The following CPNE3 variants were observed in gnomAD, a reference collection of about 807,000 sequenced individuals.
CPNE3 encodes the protein copine-3.
CPNE3 carries 68 observed loss-of-function variants against 63.9 expected under a neutral mutation model. The ratio of observed to expected loss-of-function variants is 1.06; its 90% CI spans 0.87 to 1.30. The LOEUF is 1.30. CPNE3 is among the 50% of genes most tolerant of loss of function. CPNE3 has a pLI of 0.00. For synonymous variants in CPNE3, 219 were observed against 197.5 expected (o/e 1.11, Z -0.91); for missense variants, 665 against 578.1 (o/e 1.15, Z -1.54).
At chr8:86,531,070 C>G (rs1433953915) in intron 4 of CPNE3, 85 bp from the exon 5 acceptor site, 1 of 745,196 alleles carries the variant, frequency 1.3e-6, no homozygotes, top group Non-Finnish European at 2.4e-6. Flanking sequence ...GAACCTTATA[C>G]TCAGTCTTTT....
intron 2 of CPNE3, among the ~76,000 whole-genome samples, chr8:86,519,691 G>C (rs547551953): frequency 7.9e-5 from 12 of 152,256 alleles, no homozygotes; most frequent in African/African-American, 2.9e-4. Flanking sequence ...GAAGTTTCTA[G>C]ATACATTTTT....
Position 86,537,590 on chromosome 8 carries a change from C to G in CPNE3, c.487C>G (p.Leu163Val), listed in dbSNP as rs765673343. 6.2e-7 allele frequency: 1 copy of G among 1,609,260 alleles called. No homozygotes were observed. Among genetic ancestry groups the G allele is most frequent in the Admixed American group, 1.7e-5 (1 of 59,978 alleles). The change falls in exon 7 of 17, where the codon CTG becomes GTG. Residue 163 changes from leucine (L) to valine (V), a missense_variant. Physicochemically the swap from Leu to Val is conservative, Grantham distance 32. Coordinates refer to ENST00000517490, the MANE Select transcript of CPNE3 (RefSeq NM_003909.5). ...KDLFGKSDPY[L>V]EFHKQTSDGN... ...TCTATTTGGAAAGTCAGACCCATACCTGGAATTCCACAAGCAGACATCTGA... is the reference window on the plus strand; with the variant it reads ...TCTATTTGGAAAGTCAGACCCATACGTGGAATTCCACAAGCAGACATCTGA...
chr8:86,517,815 A>G (rs1485914789), intron 2 of CPNE3, among the ~76,000 whole-genome samples: 3 of 152,206 alleles, frequency 2.0e-5, no homozygotes, highest in African/African-American at 4.8e-5. Flanking sequence ...TTGGCTCTCC[A>G]GCACCTTAGA....
At chr8:86,552,972 C>CCCCCCCCCCCCCCCA (rs1554602826) in intron 14 of CPNE3, among the ~76,000 whole-genome samples, 1 of 18,938 alleles carries the variant, frequency 5.3e-5, no homozygotes, top group African/African-American at 1.3e-4. Context: ...GCCCCCCCCC[C>CCCCCCCCCCCCCCCA]CCCCCCGCCC....
intron 10 of CPNE3, chr8:86,547,240 A>G (rs1417027452): frequency 6.5e-6 from 1 of 154,286 alleles, no homozygotes; most frequent in East Asian, 1.9e-4. Context: ...CTTAGGAAAT[A>G]TAAAGCATCA....
At chr8:86,557,646 G>T (rs1375319143) in intron 16 of CPNE3, among the ~76,000 whole-genome samples, 1 of 152,094 alleles carries the variant, frequency 6.6e-6, no homozygotes, top group Non-Finnish European at 1.5e-5. Context: ...GTTAGGTAGG[G>T]ATCTTTGTGG....
chr8:86,548,273 A>G (rs776140991), intron 11 of CPNE3, 28 bp from the exon 12 acceptor site: 4 of 1,612,478 alleles, frequency 2.5e-6, no homozygotes, highest in Non-Finnish European at 3.4e-6. Flanking sequence ...CCTTCTCCTT[A>G]CTAAGGGCTG....
chr8:86,542,943 C>A (rs1820974072), intron 8 of CPNE3, among the ~76,000 whole-genome samples: 1 of 151,998 alleles, frequency 6.6e-6, no homozygotes, highest in African/African-American at 2.4e-5. Context: ...CAAATAAAAT[C>A]TTGGCCTTGT....
At chr8:86,517,685 G>A (rs921600368) in intron 2 of CPNE3, among the ~76,000 whole-genome samples, 2 of 152,140 alleles carry the variant, frequency 1.3e-5, no homozygotes, top group African/African-American at 2.4e-5. Context: ...ATTGTTCCCT[G>A]TAGCACTTAC....
At chr8:86,524,384 C>A (rs1483477689) in intron 2 of CPNE3, among the ~76,000 whole-genome samples, 2 of 152,086 alleles carry the variant, frequency 1.3e-5, no homozygotes, top group Non-Finnish European at 2.9e-5. Context: ...AATATTGATT[C>A]AGAACGTTAG....
At chr8:86,554,644 G>T (rs150949279) in intron 14 of CPNE3, among the ~76,000 whole-genome samples, 301 of 152,210 alleles carry the variant, frequency 2.0e-3, no homozygotes, top group East Asian at 0.018. Context: ...CCTTCTATTG[G>T]GGGAGGACAG....
chr8:86,554,755 A>T, intron 14 of CPNE3, 96 bp from the exon 15 acceptor site: 1 of 1,439,978 alleles, frequency 6.9e-7, no homozygotes, highest in South Asian at 1.3e-5. Context: ...AAAGCACTAT[A>T]TGTTGATACA....
intron 12 of CPNE3, 84 bp from the exon 13 acceptor site, chr8:86,550,962 C>T: frequency 7.7e-7 from 1 of 1,307,158 alleles, no homozygotes; most frequent in Non-Finnish European, 1.0e-6. Context: ...TTGAAATGAG[C>T]TCATATGGAT....
chr8:86,551,451 G>GTAT (rs1433405197), intron 14 of CPNE3: 3 of 473,524 alleles, frequency 6.3e-6, no homozygotes, highest in Admixed American at 3.7e-5. Context: ...GGGCAAATCA[G>GTAT]TATTATGATG....
chr8:86,557,784 T>G (rs1821354838), intron 16 of CPNE3, among the ~76,000 whole-genome samples: 1 of 152,052 alleles, frequency 6.6e-6, no homozygotes, highest in Admixed American at 6.5e-5. Flanking sequence ...AAATGAGTAA[T>G]GTAAAACTAG....
chr8:86,524,676 T>A (rs902950863), intron 2 of CPNE3: 4 of 128,514 alleles, frequency 3.1e-5, no homozygotes, highest in Non-Finnish European at 3.4e-5. Context: ...TTTTTCCTCA[T>A]CATAATTTTT....
chr8:86,532,300 C>A (rs775497816), intron 5 of CPNE3, among the ~76,000 whole-genome samples: 2 of 152,092 alleles, frequency 1.3e-5, no homozygotes, highest in Non-Finnish European at 2.9e-5. Context: ...TTAATGCAGA[C>A]CTGGGCATAT....
chr8:86,539,958 C>A (rs576126015), intron 7 of CPNE3, among the ~76,000 whole-genome samples: 1 of 152,234 alleles, frequency 6.6e-6, no homozygotes, highest in African/African-American at 2.4e-5. Flanking sequence ...AGCCACCGCG[C>A]CCAGCCATCC....
intron 8 of CPNE3, among the ~76,000 whole-genome samples, chr8:86,544,276 A>G (rs894091287): frequency 2.6e-5 from 4 of 152,224 alleles, no homozygotes; most frequent in Admixed American, 6.5e-5. Flanking sequence ...TATATTTTTC[A>G]TAATTCTAAA....
Sources: gnomAD v4.1 joint callset for allele counts (sites outside exome capture counted in the v4.1 genomes callset) on GRCh38, gnomAD v4.1.1 for gene constraint, MANE v1.5 for transcripts, NCBI Gene and HGNC (gene_info 2026-07-23, HGNC 2026-07-21) for gene names.